RAB7B: variants seen among roughly 807,000 people sequenced by gnomAD.
The protein encoded by RAB7B is RAB7B, member RAS oncogene family.
chr1:205,997,656 G>T (rs1176393587), intron 1 of RAB7B, among the ~76,000 whole-genome samples: 2 of 152,152 alleles, frequency 1.3e-5, no homozygotes, highest in South Asian at 2.1e-4. Flanking sequence ...CTGGCATTTT[G>T]TAATGGATGC....
At position 205,978,626 on chromosome 1, in the gene RAB7B, G is replaced by A. The variant is rs1418242454; in HGVS notation, c.*225C>T. 3 of 370,546 alleles carry A rather than the reference G, an allele frequency of 8.1e-6. No homozygotes were observed. The highest frequency in any genetic ancestry group is 1.5e-4 in the South Asian group (1 of 6,766). The allele number at this position is 370,546 out of a possible 1,614,324, so 23.0% of individuals were successfully genotyped here. A position where few individuals can be genotyped will look rare whatever the true frequency, so the allele number is the denominator to read the frequency against. ...GACCAGGGTTTGGCTCTGACATTCC[G>A]GGCTTCATCCAGACGCTCTCACTAT... is the stretch of plus-strand genomic sequence containing the variant. On this transcript the variant is annotated 3_prime_UTR_variant, in exon 6 of 6. Coordinates refer to ENST00000617070, the MANE Select transcript of RAB7B (RefSeq NM_001164522.3).
intron 1 of RAB7B, among the ~76,000 whole-genome samples, chr1:205,998,784 C>T (rs1319897651): frequency 3.3e-5 from 5 of 152,136 alleles, no homozygotes; most frequent in East Asian, 1.9e-4. Flanking sequence ...GTAAACAATA[C>T]GTTATTATAA....
chr1:205,980,892 G>A (rs998650704), intron 5 of RAB7B, among the ~76,000 whole-genome samples: 24 of 116,398 alleles, frequency 2.1e-4, no homozygotes, highest in Admixed American at 9.7e-4. Flanking sequence ...CACCTCCTCC[G>A]CTTCCCCTTC....
intron 5 of RAB7B, among the ~76,000 whole-genome samples, chr1:205,982,829 G>A (rs1292994996): frequency 3.9e-5 from 6 of 152,168 alleles, no homozygotes; most frequent in African/African-American, 1.4e-4. Context: ...GTTCCTTATA[G>A]GAAATGCCTC....
intron 1 of RAB7B, among the ~76,000 whole-genome samples, chr1:206,002,809 G>A (rs1343973550): frequency 6.6e-6 from 1 of 152,140 alleles, no homozygotes; most frequent in African/African-American, 2.4e-5. Flanking sequence ...CCTACTCCAG[G>A]GGCCAAGCTT....
chr1:205,999,467 A>G (rs1448852847), intron 1 of RAB7B, among the ~76,000 whole-genome samples: 5 of 152,246 alleles, frequency 3.3e-5, no homozygotes, highest in Non-Finnish European at 4.4e-5. Flanking sequence ...AAAGATTGAC[A>G]ACAATATTTA....
At chr1:205,987,896 T>C (rs1247206933) in intron 4 of RAB7B, among the ~76,000 whole-genome samples, 4 of 152,188 alleles carry the variant, frequency 2.6e-5, no homozygotes, top group Non-Finnish European at 4.4e-5. Context: ...AAACACTTTT[T>C]AAAAAAATTT....
At position 205,977,843 on chromosome 1, in the gene RAB7B, G is replaced by A. The variant is rs1240873116; in HGVS notation, c.*1008C>T. On this transcript the variant is annotated 3_prime_UTR_variant, in exon 6 of 6. Transcript: ENST00000617070. ...CCACCTCCTCAGGGAAGCCCTCCTG[G>A]ACCACTTCATCTAAAATAGCAACTC... 2 of 152,066 alleles carry A rather than the reference G, an allele frequency of 1.3e-5. No homozygotes were observed. The highest frequency in any genetic ancestry group is 4.8e-5 in the African/African-American group (2 of 41,368). The allele number at this position is 152,066 out of a possible 1,614,324, so 9.4% of individuals were successfully genotyped here.
chr1:205,990,020 C>A (rs1660691108), intron 4 of RAB7B, among the ~76,000 whole-genome samples: 1 of 152,162 alleles, frequency 6.6e-6, no homozygotes, highest in Non-Finnish European at 1.5e-5. Flanking sequence ...GTCTTGAACT[C>A]CCCCAGCTTC....
chr1:205,994,292 C>G (rs1432808551), intron 1 of RAB7B, 141 bp from the exon 2 acceptor site: 1 of 389,984 alleles, frequency 2.6e-6, no homozygotes, highest in Non-Finnish European at 4.5e-6. Context: ...CCGAAGGAGG[C>G]ACGTAATTCA....
rs1435421974 is a variant in RAB7B at position 205,978,372 on chromosome 1, C to T, written c.*479G>A. 1.3e-5 allele frequency: 2 copies of T among 152,444 alleles called. No homozygotes were observed. The highest frequency in any genetic ancestry group is 4.8e-5 in the African/African-American group (2 of 41,442). 9.4% of individuals were successfully genotyped at this position (152,444 alleles called of 1,614,324 possible). ...CCAGCATGTGGGGTCCAGACCTTTACTCCTTAGTCTGCTCGTTGAAGGAGG... is the reference window on the plus strand; with the variant it reads ...CCAGCATGTGGGGTCCAGACCTTTATTCCTTAGTCTGCTCGTTGAAGGAGG... On this transcript the variant is annotated 3_prime_UTR_variant, in exon 6 of 6. Transcript: ENST00000617070.
At chr1:205,990,260 G>T (rs1177168359) in intron 4 of RAB7B, among the ~76,000 whole-genome samples, 1 of 152,182 alleles carries the variant, frequency 6.6e-6, no homozygotes, top group South Asian at 2.1e-4. Flanking sequence ...GGAGAGAGTT[G>T]TGTTGTGGGC....
chr1:205,980,574 G>A (rs1660471083), intron 5 of RAB7B, among the ~76,000 whole-genome samples: 1 of 152,190 alleles, frequency 6.6e-6, no homozygotes, highest in Non-Finnish European at 1.5e-5. Flanking sequence ...GTCTGTCTCT[G>A]TTCCCCCAGT....
intron 4 of RAB7B, among the ~76,000 whole-genome samples, chr1:205,992,005 A>G (rs1660729861): frequency 1.3e-5 from 2 of 152,230 alleles, no homozygotes; most frequent in Non-Finnish European, 2.9e-5. Context: ...ATATCCAAGA[A>G]TTTATAACTG....
chr1:205,995,922 A>C (rs1160525175), intron 1 of RAB7B, among the ~76,000 whole-genome samples: 2 of 152,202 alleles, frequency 1.3e-5, no homozygotes, highest in African/African-American at 4.8e-5. Context: ...TGCAGATGTT[A>C]ATTACCTCAA....
At chr1:205,985,466 C>G (rs1347499718) in intron 5 of RAB7B, 74 bp downstream of exon 5, 2 of 398,130 alleles carry the variant, frequency 5.0e-6, no homozygotes, top group African/African-American at 2.1e-5. Flanking sequence ...CCAAGATGTT[C>G]TTCTCTGGAA....
At position 205,992,641 on chromosome 1, in the gene RAB7B, T is replaced by G. The variant is rs970857512; in HGVS notation, c.235A>C (p.Lys79Gln). The G allele has an allele frequency of 1.5e-5, 6 of 398,762 alleles. No individual in the cohort carries two copies. In the Admixed American group the frequency reaches 1.8e-4, roughly 12 times the overall value. The allele number at this position is 398,762 out of a possible 1,614,324, so 24.7% of individuals were successfully genotyped here. A position where few individuals can be genotyped will look rare whatever the true frequency, so the allele number is the denominator to read the frequency against. Reference sequence around the variant, plus strand: ...GCTAGGATGCAGCCATCGGAGCCCTTGTAGAACGTGGACACCATGGAGCGG... The same window carrying G: ...GCTAGGATGCAGCCATCGGAGCCCTGGTAGAACGTGGACACCATGGAGCGG... ...RFRSMVSTFY[K>Q]GSDGCILAFD... Residue 79 changes from lysine (K) to glutamine (Q), a missense_variant, in exon 4 of 6, where the codon AAG (lysine) becomes CAG (glutamine). Physicochemically the swap from Lys to Gln is moderately conservative, Grantham distance 53. Coordinates refer to ENST00000617070, the MANE Select transcript of RAB7B (RefSeq NM_001164522.3).
At chr1:205,979,785 G>A (rs1660454312) in intron 5 of RAB7B, among the ~76,000 whole-genome samples, 1 of 152,198 alleles carries the variant, frequency 6.6e-6, no homozygotes, top group Admixed American at 6.5e-5. Context: ...ACATTGGCAT[G>A]GACCTGAGCA....
intron 5 of RAB7B, among the ~76,000 whole-genome samples, 182 bp from the exon 6 acceptor site, chr1:205,979,110 C>T (rs1446403022): frequency 1.3e-5 from 2 of 152,150 alleles, no homozygotes; most frequent in Non-Finnish European, 2.9e-5. Context: ...CCTGTGTCTC[C>T]CCTCCAGCCT....
Sources: gnomAD v4.1 joint callset for allele counts (sites outside exome capture counted in the v4.1 genomes callset) on GRCh38, gnomAD v4.1.1 for gene constraint, MANE v1.5 for transcripts, NCBI Gene and HGNC (gene_info 2026-07-23, HGNC 2026-07-21) for gene names.